Variants in FRMD4A observed in about 807,000 individuals in gnomAD.
FRMD4A encodes FERM domain-containing protein 4A.
FRMD4A carries 29 observed loss-of-function variants against 129.1 expected under a neutral mutation model. That is an observed-to-expected ratio of 0.22 (90% CI 0.17 to 0.31). FRMD4A has a LOEUF of 0.31. FRMD4A is among the 10% of genes least tolerant of loss of function. FRMD4A has a pLI of 1.00. For missense variants in FRMD4A, 1,272 were observed against 1,375.8 expected (o/e 0.92, Z 1.19); for synonymous variants, 634 against 571.6 (o/e 1.11, Z -1.56).
intron 2 of FRMD4A, among the ~76,000 whole-genome samples, chr10:14,099,708 G>C (rs988618086): frequency 2.6e-5 from 4 of 152,148 alleles, no homozygotes; most frequent in Non-Finnish European, 5.9e-5. Context: ...TCAAAAGAGT[G>C]GTGTAATTTT....
At chr10:14,153,585 T>C (rs1199110235) in intron 2 of FRMD4A, among the ~76,000 whole-genome samples, 1 of 152,096 alleles carries the variant, frequency 6.6e-6, no homozygotes, top group African/African-American at 2.4e-5. Flanking sequence ...TATGGAGTCA[T>C]ATACAGACGG....
intron 2 of FRMD4A, among the ~76,000 whole-genome samples, chr10:14,298,759 C>T (rs530487880): frequency 4.6e-5 from 7 of 152,162 alleles, no homozygotes; most frequent in African/African-American, 7.2e-5. Flanking sequence ...AACAGGAGAA[C>T]GAAGGCCTCC....
chr10:13,805,097 G>C (rs2093336789), intron 4 of FRMD4A, among the ~76,000 whole-genome samples: 1 of 152,066 alleles, frequency 6.6e-6, no homozygotes, highest in African/African-American at 2.4e-5. Flanking sequence ...AATCTCAAAG[G>C]CGGTGTGATG....
chr10:14,275,925 G>A (rs1845324253), intron 2 of FRMD4A, among the ~76,000 whole-genome samples: 1 of 152,200 alleles, frequency 6.6e-6, no homozygotes, highest in Non-Finnish European at 1.5e-5. Flanking sequence ...TGCAGTCTCA[G>A]CTACTCAGGA....
chr10:13,711,732 A>G (rs919441652), intron 12 of FRMD4A, among the ~76,000 whole-genome samples: 1 of 152,218 alleles, frequency 6.6e-6, no homozygotes, highest in African/African-American at 2.4e-5. Context: ...CCCTGCAAAC[A>G]TCGTTCCTTT....
intron 2 of FRMD4A, among the ~76,000 whole-genome samples, chr10:14,118,335 AG>A (rs1424782673): frequency 7.2e-5 from 11 of 152,286 alleles, no homozygotes; most frequent in Middle Eastern, 3.4e-3. Context: ...GGTCACAGAG[AG>A]TCTTGGGGGA....
intron 2 of FRMD4A, among the ~76,000 whole-genome samples, chr10:14,102,395 C>T (rs7906159): frequency 0.026 from 3,884 of 152,224 alleles, 141 homozygotes; most frequent in African/African-American, 0.088. Flanking sequence ...GGTGTGGTGG[C>T]GCAGGCCTAT....
At chr10:13,841,794 C>T (rs2093970389) in intron 3 of FRMD4A, among the ~76,000 whole-genome samples, 1 of 152,122 alleles carries the variant, frequency 6.6e-6, no homozygotes, top group Non-Finnish European at 1.5e-5. Flanking sequence ...GCAAGTCATT[C>T]TAACAAATTA....
At chr10:13,846,291 C>T (rs776890301) in intron 3 of FRMD4A, among the ~76,000 whole-genome samples, 1 of 152,158 alleles carries the variant, frequency 6.6e-6, no homozygotes, top group Non-Finnish European at 1.5e-5. Flanking sequence ...TACTTTCGCA[C>T]CAACTAATAC....
chr10:13,856,013 A>ACTATCTATCTAT (rs67479789), intron 3 of FRMD4A, among the ~76,000 whole-genome samples: 4 of 147,852 alleles, frequency 2.7e-5, no homozygotes, highest in African/African-American at 5.0e-5. Flanking sequence ...ACACACAAAT[A>ACTATCTATCTAT]CTATCTATCT....
chr10:14,238,201 A>G lies in FRMD4A; in HGVS notation c.45+91857T>C, dbSNP rs566177869. Among the ~76,000 whole-genome samples, 48 of 152,350 alleles carry G rather than the reference A, an allele frequency of 3.2e-4. 1 individual carries two copies. Among genetic ancestry groups the G allele is most frequent in the African/African-American group, 9.9e-4 (41 of 41,590 alleles). ...GTACTAAGCACCTTATATGTGGGGT[A>G]TCATCTCATTCTCATAATAATTCTG... On this transcript the variant is annotated intron_variant, in intron 2 of 24. Coordinates refer to ENST00000357447, the MANE Select transcript of FRMD4A (RefSeq NM_018027.5).
intron 12 of FRMD4A, among the ~76,000 whole-genome samples, chr10:13,736,380 T>C (rs1418094306): frequency 1.3e-5 from 2 of 152,162 alleles, no homozygotes; most frequent in Non-Finnish European, 2.9e-5. Context: ...ATTCATTTCT[T>C]GTTGCATATA....
intron 18 of FRMD4A, among the ~76,000 whole-genome samples, chr10:13,665,019 A>G (rs996444521): frequency 6.6e-6 from 1 of 152,092 alleles, no homozygotes; most frequent in African/African-American, 2.4e-5. Flanking sequence ...AATAGCTAGG[A>G]TTACAGGCAT....
chr10:13,711,767 A>G (rs540657023), intron 12 of FRMD4A, among the ~76,000 whole-genome samples: 2 of 152,334 alleles, frequency 1.3e-5, no homozygotes, highest in East Asian at 3.9e-4. Context: ...CCTCAAGAAG[A>G]TCAAGTGGGA....
chr10:13,834,614 G>A (rs10796136), intron 3 of FRMD4A, among the ~76,000 whole-genome samples: 48,323 of 152,028 alleles, frequency 0.32, 8,088 homozygotes, highest in Middle Eastern at 0.47. Flanking sequence ...TTCATCCCTC[G>A]GGGCAGAGGG....
At chr10:13,886,514 G>A (rs1386755490) in intron 2 of FRMD4A, among the ~76,000 whole-genome samples, 3 of 152,198 alleles carry the variant, frequency 2.0e-5, no homozygotes, top group African/African-American at 7.2e-5. Flanking sequence ...TTTGACACAG[G>A]TGGGCCTAAC....
At chr10:13,853,086 C>T (rs866731570) in intron 3 of FRMD4A, among the ~76,000 whole-genome samples, 9 of 152,102 alleles carry the variant, frequency 5.9e-5, no homozygotes, top group Non-Finnish European at 1.2e-4. Context: ...GGGACTGGGT[C>T]AGAGGGGAGA....
At chr10:13,944,706 T>G (rs2131318382) in intron 2 of FRMD4A, among the ~76,000 whole-genome samples, 1 of 152,344 alleles carries the variant, frequency 6.6e-6, no homozygotes, top group Non-Finnish European at 1.5e-5. Context: ...TATTTGTAGC[T>G]ATTTCTGCAT....
chr10:14,229,610 A>T (rs554324337), intron 2 of FRMD4A, among the ~76,000 whole-genome samples: 26 of 152,138 alleles, frequency 1.7e-4, no homozygotes, highest in African/African-American at 4.6e-4. Flanking sequence ...GCTAATTTTT[A>T]AAAAAAGATG....
Sources: gnomAD v4.1 joint callset for allele counts (sites outside exome capture counted in the v4.1 genomes callset) on GRCh38, gnomAD v4.1.1 for gene constraint, MANE v1.5 for transcripts, NCBI Gene and HGNC (gene_info 2026-07-23, HGNC 2026-07-21) for gene names.